The following CNBD2 variants were observed in gnomAD, a reference collection of about 807,000 sequenced individuals.
CNBD2 encodes cyclic nucleotide binding domain containing 2, also known as cyclic nucleotide-binding domain-containing protein 2.
CNBD2 carries 64 observed loss-of-function variants against 63.7 expected under a neutral mutation model. The observed-to-expected ratio is 1.00, with a 90% CI of 0.82 to 1.24. The LOEUF is 1.24. Ranked by LOEUF, CNBD2 falls within the 50% of genes most tolerant of loss-of-function variation. CNBD2 has a pLI of 0.00. For synonymous variants in CNBD2, 229 were observed against 255.4 expected, an observed-to-expected ratio of 0.90 and a Z score of 0.99; for missense variants, 691 against 713.5, an observed-to-expected ratio of 0.97 and a Z score of 0.36.
chr20:35,980,400 C>T (rs2056579571), intron 3 of CNBD2, 59 bp from the exon 4 acceptor site: 24 of 1,543,618 alleles, frequency 1.6e-5, no homozygotes, highest in Middle Eastern at 1.8e-4. Context: ...GGGTGTTGCC[C>T]GCTGGCCCAT....
intron 7 of CNBD2, among the ~76,000 whole-genome samples, chr20:35,992,933 G>A (rs987878310): frequency 6.6e-6 from 1 of 152,018 alleles, no homozygotes; most frequent in Non-Finnish European, 1.5e-5. Flanking sequence ...TCAGCTGCGG[G>A]TGGCTGGACA....
At chr20:36,001,064 G>A (rs888028067) in intron 8 of CNBD2, among the ~76,000 whole-genome samples, 1 of 151,498 alleles carries the variant, frequency 6.6e-6, no homozygotes, top group East Asian at 1.9e-4. Context: ...AGGGTTGGGG[G>A]TAAGGTCACA....
chr20:35,975,041 G>C (rs534580969), intron 2 of CNBD2: 1 of 138,510 alleles, frequency 7.2e-6, no homozygotes, highest in Non-Finnish European at 1.5e-5. Flanking sequence ...TCGCTCTGTC[G>C]CCCAGGCTGG....
At chr20:35,964,299 GCCTC>G (rs2056328857), upstream of CNBD2, among the ~76,000 whole-genome samples, 1 of 151,970 alleles carries the variant, frequency 6.6e-6, no homozygotes, top group Admixed American at 6.6e-5. Context: ...TCCTGTCTCG[GCCTC>G]CCTAATAGCT....
rs1364181788 is a variant in CNBD2 at position 35,968,818 on chromosome 20, G to A, written c.51+5G>A. ...CAGCTCCTGAAGAAGGAACTGGTGA[G>A]GAGGGGCAAGGGCCCTGGGAGGGAA... On this transcript the variant is annotated splice_donor_5th_base_variant and intron_variant, in intron 1 of 11. Coordinates refer to ENST00000373973, the MANE Select transcript of CNBD2 (RefSeq NM_001365709.1). The A allele has an allele frequency of 1.2e-6, 2 of 1,604,134 alleles. No homozygotes were observed. Among genetic ancestry groups the A allele is most frequent in the South Asian group, 1.1e-5 (1 of 88,686 alleles).
chr20:35,980,151 A>G (rs1455455106), intron 3 of CNBD2, among the ~76,000 whole-genome samples: 3 of 152,196 alleles, frequency 2.0e-5, no homozygotes, highest in South Asian at 2.1e-4. Context: ...GGAAGCCTGT[A>G]TTGCCTGGGA....
At chr20:35,964,852 G>A (rs538437952), upstream of CNBD2, among the ~76,000 whole-genome samples, 2 of 151,730 alleles carry the variant, frequency 1.3e-5, no homozygotes, top group East Asian at 1.9e-4. Flanking sequence ...ACAGGTTCCC[G>A]CTATAAAGCC....
At chr20:36,006,981 A>G (rs1568908305) in intron 8 of CNBD2, among the ~76,000 whole-genome samples, 1 of 152,110 alleles carries the variant, frequency 6.6e-6, no homozygotes, top group South Asian at 2.1e-4. Flanking sequence ...TGAGGTCAGG[A>G]GATTGAGACA....
intron 10 of CNBD2, among the ~76,000 whole-genome samples, chr20:36,022,522 G>A (rs1034269971): frequency 6.6e-6 from 1 of 151,566 alleles, no homozygotes; most frequent in African/African-American, 2.4e-5. Flanking sequence ...ATTAGTAGAG[G>A]TGGGGTTTCA....
chr20:36,002,178 C>A (rs972374848), intron 8 of CNBD2, among the ~76,000 whole-genome samples: 1 of 152,220 alleles, frequency 6.6e-6, no homozygotes, highest in Admixed American at 6.5e-5. Flanking sequence ...GCGGATCACT[C>A]GCGGTTAGGA....
At chr20:36,009,552 C>T (rs1159944021) in intron 9 of CNBD2, among the ~76,000 whole-genome samples, 1 of 151,252 alleles carries the variant, frequency 6.6e-6, no homozygotes, top group Non-Finnish European at 1.5e-5. Flanking sequence ...AGGAAACAGG[C>T]TGGGCATGGT....
At chr20:36,029,515 A>G (rs2057319323) in intron 11 of CNBD2, among the ~76,000 whole-genome samples, 4 of 152,164 alleles carry the variant, frequency 2.6e-5, no homozygotes, top group African/African-American at 4.8e-5. Context: ...CACCATGGCC[A>G]GTTTCAAACT....
At chr20:36,008,830 T>C (rs985378311) in intron 9 of CNBD2, among the ~76,000 whole-genome samples, 7 of 152,014 alleles carry the variant, frequency 4.6e-5, no homozygotes, top group Non-Finnish European at 8.8e-5. Flanking sequence ...ATTCTGTCCA[T>C]CTAAGGAAGG....
At chr20:35,954,949 C>T (rs1325468978) in exon 1 of CNBD2, 2 of 221,496 alleles carry the variant, frequency 9.0e-6, no homozygotes, top group Admixed American at 5.3e-5. Context: ...AGTCCTCTCG[C>T]TTGGTCAAAC....
At chr20:36,023,458 G>A (rs1215449705) in intron 10 of CNBD2, 144 bp from the exon 11 acceptor site, 1 of 641,204 alleles carries the variant, frequency 1.6e-6, no homozygotes, top group Admixed American at 3.4e-5. Context: ...GTTGCAGTGA[G>A]CTGAGATTTG....
intron 4 of CNBD2, among the ~76,000 whole-genome samples, chr20:35,981,486 A>C (rs1202555633): frequency 6.6e-6 from 1 of 152,010 alleles, no homozygotes; most frequent in Non-Finnish European, 1.5e-5. Context: ...ACCAGGCTGG[A>C]GTGCAGTGGT....
intron 8 of CNBD2, 115 bp downstream of exon 8, chr20:35,995,267 T>G (rs1230847130): frequency 1.6e-6 from 1 of 643,396 alleles, no homozygotes; most frequent in African/African-American, 1.8e-5. Flanking sequence ...GTATATCATC[T>G]GCACCCTTCT....
intron 1 of CNBD2, 107 bp from the exon 2 acceptor site, chr20:35,972,522 A>T: frequency 1.9e-6 from 2 of 1,035,140 alleles, no homozygotes; most frequent in Non-Finnish European, 2.9e-6. Flanking sequence ...ACAGCACACT[A>T]CTGCATTTAA....
chr20:35,974,573 G>A (rs2056473084), intron 2 of CNBD2: 2 of 153,926 alleles, frequency 1.3e-5, no homozygotes, highest in Admixed American at 1.3e-4. Flanking sequence ...TGGAGTGCAG[G>A]ATCAGGTGGG....
Sources: gnomAD v4.1 joint callset for allele counts (sites outside exome capture counted in the v4.1 genomes callset) on GRCh38, gnomAD v4.1.1 for gene constraint, MANE v1.5 for transcripts, NCBI Gene and HGNC (gene_info 2026-07-23, HGNC 2026-07-21) for gene names.